SUN5: variants seen among roughly 807,000 people sequenced by gnomAD.
SUN5 encodes the protein SUN domain-containing protein 5.
A neutral mutation model predicts 53.7 loss-of-function variants in SUN5; 44 were observed. The ratio of observed to expected loss-of-function variants is 0.82; its 90% CI spans 0.64 to 1.05. SUN5 has a LOEUF of 1.05. Ranked by LOEUF, SUN5 falls within the 50% of genes least tolerant of loss-of-function variation. SUN5 has a pLI of 0.00. For synonymous variants in SUN5, 166 were observed against 179.8 expected (o/e 0.92, Z 0.62); for missense variants, 433 against 483.8 (o/e 0.90, Z 0.98).
At position 32,983,843 on chromosome 20, in the gene SUN5, G is replaced by C. The variant is rs1250651659; in HGVS notation, c.1091C>G (p.Ala364Gly). 1.3e-6 allele frequency: 2 copies of C among 1,587,692 alleles called. No homozygotes were observed. The highest frequency in any genetic ancestry group is 2.3e-5 in the South Asian group (2 of 85,712). The change falls in exon 13 of 13, where the codon GCC becomes GGC. Residue 364 changes from alanine to glycine, a missense_variant. Physicochemically the swap from Ala to Gly is moderately conservative, Grantham distance 60. Transcript: ENST00000356173. ...LYRVRVHGSVAPPREQPHQNP... is the reference protein window; with the variant it reads ...LYRVRVHGSVGPPREQPHQNP... ...CTGGTGAGGCTGCTCTCTGGGCGGGGCCACAGAGCCATGCACTCGCACGCG... is the reference window on the plus strand; with the variant it reads ...CTGGTGAGGCTGCTCTCTGGGCGGGCCCACAGAGCCATGCACTCGCACGCG...
At chr20:32,999,380 G>A (rs1467594506) in intron 5 of SUN5, among the ~76,000 whole-genome samples, 1 of 152,174 alleles carries the variant, frequency 6.6e-6, no homozygotes, top group Non-Finnish European at 1.5e-5. Context: ...GGATCATGAG[G>A]TCAGGAGTTC....
At position 32,997,567 on chromosome 20, in the gene SUN5, C is replaced by G; in HGVS notation, c.390+71G>C. On this transcript the variant is annotated intron_variant, in intron 6 of 12. Coordinates refer to ENST00000356173, the MANE Select transcript of SUN5 (RefSeq NM_080675.4). ...CCCCATTTGGTGAGAATGAATGGAG[C>G]TGTGGAGGTGATATTGACTGGTTAG... 6.5e-6 allele frequency: 10 copies of G among 1,543,496 alleles called. 1 individual carries two copies. The South Asian group carries it at 9.1e-5, about 14-fold the overall frequency.
At chr20:32,990,581 TG>T (rs774219435) in intron 8 of SUN5, among the ~76,000 whole-genome samples, 8 of 152,156 alleles carry the variant, frequency 5.3e-5, no homozygotes, top group Non-Finnish European at 8.8e-5. Context: ...CCTGGTTCTC[TG>T]GGGACAGCCA....
intron 3 of SUN5, among the ~76,000 whole-genome samples, chr20:33,001,751 C>T (rs1990051838): frequency 6.8e-6 from 1 of 146,956 alleles, no homozygotes; most frequent in Non-Finnish European, 1.5e-5. Flanking sequence ...TCACTGCAAC[C>T]TCCACCTCCC....
chr20:32,997,996 GCATTTTATGATCT>G, intron 5 of SUN5, among the ~76,000 whole-genome samples: 1 of 152,144 alleles, frequency 6.6e-6, no homozygotes, highest in Non-Finnish European at 1.5e-5. Context: ...AAGGCGCTCT[GCATTTTATGATCT>G]CCATGCTGGC....
chr20:33,004,242 A>G (rs1990127182), intron 1 of SUN5, 22 bp downstream of exon 1: 4 of 1,547,702 alleles, frequency 2.6e-6, no homozygotes, highest in African/African-American at 2.7e-5. Context: ...GGCTGGGCAA[A>G]GGGAGGGGCT....
chr20:32,998,678 T>C (rs966942835), intron 5 of SUN5, among the ~76,000 whole-genome samples: 2 of 151,992 alleles, frequency 1.3e-5, no homozygotes, highest in African/African-American at 4.8e-5. Flanking sequence ...CTCTTGCTAG[T>C]TCTATTTAAC....
At chr20:32,999,074 G>A (rs1989929198) in intron 5 of SUN5, among the ~76,000 whole-genome samples, 1 of 152,088 alleles carries the variant, frequency 6.6e-6, no homozygotes, top group Non-Finnish European at 1.5e-5. Context: ...AGATTATCAT[G>A]CAGAAAAGAG....
chr20:32,997,817 T>C, intron 5 of SUN5, 130 bp from the exon 6 acceptor site: 1 of 836,572 alleles, frequency 1.2e-6, no homozygotes, highest in South Asian at 1.7e-5. Flanking sequence ...CTGGGGGAAT[T>C]ACTTAATGCT....
At chr20:33,004,183 C>T in intron 1 of SUN5, 81 bp downstream of exon 1, 1 of 1,417,686 alleles carries the variant, frequency 7.1e-7, no homozygotes, top group Non-Finnish European at 9.4e-7. Flanking sequence ...GACAATGCCA[C>T]TCATCTCCAA....
chr20:32,987,610 T>C, intron 10 of SUN5, 50 bp downstream of exon 10: 2 of 1,103,434 alleles, frequency 1.8e-6, no homozygotes, highest in Non-Finnish European at 2.3e-6. Flanking sequence ...CCCCAAACCC[T>C]GCCCGGACCA....
intron 1 of SUN5, among the ~76,000 whole-genome samples, chr20:33,003,896 T>C (rs1990119505): frequency 6.6e-6 from 1 of 151,740 alleles, no homozygotes; most frequent in African/African-American, 2.4e-5. Context: ...GTCACCTGCA[T>C]TCAGAGGCTT....
At chr20:32,993,724 GA>G (rs747319639) in intron 8 of SUN5, among the ~76,000 whole-genome samples, 17 of 152,214 alleles carry the variant, frequency 1.1e-4, no homozygotes, top group Admixed American at 9.2e-4. Context: ...GTATATGTCA[GA>G]ACCACCTGGA....
intron 8 of SUN5, among the ~76,000 whole-genome samples, chr20:32,992,791 G>T (rs563709187): frequency 2.9e-4 from 44 of 152,254 alleles, no homozygotes; most frequent in Admixed American, 2.7e-3. Context: ...CCAAATGGCC[G>T]CTGGATACAA....
rs763541915 is a variant in SUN5, at chr20:32,985,886, G to C, written c.747C>G (p.Gly249=). 6.2e-7 allele frequency: 1 copy of C among 1,613,936 alleles called. No homozygotes were observed. Among genetic ancestry groups the C allele is most frequent in the Non-Finnish European group, 8.5e-7 (1 of 1,179,898 alleles). ...GGTCACCCTCAAAGGCCCAGCAATT[G>C]CCAGGTGTCACGTTGGGCTAGAAGA... ...DVILEPNVTP[G]NCWAFEGDRG... Residue 249 remains glycine, a synonymous_variant, in exon 11 of 13, where the codon GGC becomes GGG. Transcript: ENST00000356173.
chr20:32,987,712 C>A lies in SUN5; in HGVS notation c.677G>T (p.Trp226Leu). The A allele has an allele frequency of 1.9e-6, 3 of 1,613,584 alleles. No individual in the cohort carries two copies. The highest frequency in any genetic ancestry group is 2.5e-6 in the Non-Finnish European group (3 of 1,179,890). ...GTAGTTCCACAGCTGGATCCAGTTC[C>A]AGTAGGAGTGGGCCTTCTCATGGTT... The part of the protein sequence containing the change: ...TYNHEKAHSY[W>L]NWIQLWNYAQ... Residue 226 changes from tryptophan (W) to leucine (L), a missense_variant, in exon 10 of 13, where the codon TGG (tryptophan) becomes TTG (leucine). Transcript: ENST00000356173.
chr20:32,987,733 T>C lies in SUN5; in HGVS notation c.656A>G (p.His219Arg), dbSNP rs1183076306. ...GTTCCAGTAGGAGTGGGCCTTCTCA[T>C]GGTTATAGGTGACTGACGTGTGCTC... ...DFEHTSVTYN[H>R]EKAHSYWNWI... is the part of the protein sequence containing the mutation. The change falls in exon 10 of 13, where the codon CAT becomes CGT. Residue 219 changes from histidine to arginine, a missense_variant. By Grantham distance (29) the His-to-Arg change is conservative. Transcript: ENST00000356173. The C allele has an allele frequency of 6.2e-7, 1 of 1,613,200 alleles. No individual in the cohort carries two copies. Among genetic ancestry groups the C allele is most frequent in the Non-Finnish European group, 8.5e-7 (1 of 1,179,778 alleles).
At chr20:32,995,570 TCAAA>T in intron 8 of SUN5, 45 bp downstream of exon 8, 1 of 1,528,328 alleles carries the variant, frequency 6.5e-7, no homozygotes, top group Admixed American at 1.7e-5. Context: ...AAACAGGACA[TCAAA>T]CAAAGAGAAA....
In SUN5 at chr20:32,995,877, A is replaced by G. The variant is rs1410971833; in HGVS notation, c.426-150T>C. ...CATCCCTGGACCCATTCATCAGGTT[A>G]TTATCTCTAAAACATTACTCATTCT... On this transcript the variant is annotated intron_variant, in intron 7 of 12. Coordinates refer to ENST00000356173, the MANE Select transcript of SUN5 (RefSeq NM_080675.4). 6.0e-6 allele frequency: 4 copies of G among 669,548 alleles called. No individual in the cohort carries two copies. In the East Asian group the frequency reaches 1.0e-4, roughly 17 times the overall value. The allele number at this position is 669,548 out of a possible 1,614,324, so 41.5% of individuals were successfully genotyped here.
Sources: allele counts gnomAD v4.1 joint callset (sites outside exome capture counted in the v4.1 genomes callset), GRCh38; gene constraint gnomAD v4.1.1; transcripts MANE v1.5; gene names NCBI Gene and HGNC (gene_info 2026-07-23, HGNC 2026-07-21).